The following TOGARAM2 variants were observed in gnomAD, a reference collection of about 807,000 sequenced individuals.
TOGARAM2 encodes TOG array regulator of axonemal microtubules protein 2.
A neutral mutation model predicts 93.3 loss-of-function variants in TOGARAM2; 85 were observed. The observed-to-expected ratio is 0.91, with a 90% CI of 0.76 to 1.09. TOGARAM2 has a LOEUF of 1.09. TOGARAM2 is among the 50% of genes least tolerant of loss of function. The pLI is 0.00. For synonymous variants in TOGARAM2, 593 were observed against 552.8 expected (o/e 1.07, Z -1.02); for missense variants, 1,277 against 1,334.5 (o/e 0.96, Z 0.67).
chr2:29,017,923 C>T lies in TOGARAM2; in HGVS notation c.1327C>T (p.Arg443Trp), dbSNP rs755118294. 5.3e-5 allele frequency: 86 copies of T among 1,608,636 alleles called. No individual in the cohort carries two copies. Among genetic ancestry groups the T allele is most frequent in the East Asian group, 1.1e-4 (5 of 44,710 alleles). Residue 443 changes from arginine (R) to tryptophan (W), a missense_variant, in exon 10 of 20, where the codon CGG (arginine) becomes TGG (tryptophan). Coordinates refer to ENST00000379558, the MANE Select transcript of TOGARAM2 (RefSeq NM_199280.4). ...CTCCCTGCCCAGCATCCCCATCAGC[C>T]GGCAGGAGCCCCGCTTTGCCCGCCA... ...RASLPSIPIS[R>W]QEPRFARHAS... is the part of the protein sequence containing the mutation.
intron 1 of TOGARAM2, among the ~76,000 whole-genome samples, chr2:28,992,106 T>TGGG (rs1311495019): frequency 6.6e-6 from 1 of 152,146 alleles, no homozygotes; most frequent in Non-Finnish European, 1.5e-5. Context: ...CTCGGTGAAT[T>TGGG]GTGCCTTGGG....
At chr2:29,022,079 G>A in intron 10 of TOGARAM2, 79 bp from the exon 11 acceptor site, 1 of 1,581,820 alleles carries the variant, frequency 6.3e-7, no homozygotes. Flanking sequence ...CTCCCATGGT[G>A]AGCGGTGGCA....
rs1197421407 is a variant in TOGARAM2, at chr2:29,005,806, ATG to A, written c.830+2131_830+2132del. Among the ~76,000 whole-genome samples the A allele has an allele frequency of 1.1e-4, 15 of 140,530 alleles. 1 individual carries two copies. The highest frequency in any genetic ancestry group is 4.6e-4 in the East Asian group (2 of 4,336). 92.2% of individuals were successfully genotyped at this position (140,530 alleles called of 152,430 possible). A position where few individuals can be genotyped will look rare whatever the true frequency, so the allele number is the denominator to read the frequency against. On this transcript the variant is annotated intron_variant, in intron 6 of 19. Transcript: ENST00000379558. Reference sequence around the variant, plus strand: ...TCTGTGTGTGCATGTGTATGAGTGCATGTGTGTGAGTGCATGTGTGTGCATGT... The same window carrying A: ...TCTGTGTGTGCATGTGTATGAGTGCATGTGTGAGTGCATGTGTGTGCATGT...
chr2:28,991,338 G>A (rs1451859716), intron 1 of TOGARAM2, among the ~76,000 whole-genome samples: 2 of 152,080 alleles, frequency 1.3e-5, no homozygotes, highest in African/African-American at 4.8e-5. Context: ...GGTGTGAGAC[G>A]GGAGGGGGGC....
intron 13 of TOGARAM2, among the ~76,000 whole-genome samples, chr2:29,026,432 C>T (rs757001943): frequency 3.9e-5 from 6 of 152,086 alleles, no homozygotes; most frequent in Admixed American, 2.0e-4. Context: ...ACAAAGACAG[C>T]GCTACCTTGG....
chr2:29,002,702 G>A lies in TOGARAM2; in HGVS notation c.594G>A (p.Pro198=), dbSNP rs774467751. The A allele has an allele frequency of 1.5e-5, 24 of 1,613,810 alleles. No homozygotes were observed. The highest frequency in any genetic ancestry group is 7.7e-5 in the South Asian group (7 of 91,052). Residue 198 remains proline, a synonymous_variant, in exon 5 of 20, where the codon CCG becomes CCA. Coordinates refer to ENST00000379558, the MANE Select transcript of TOGARAM2 (RefSeq NM_199280.4). Reference sequence around the variant, plus strand: ...TCAAAGAGAAGGGCCTGGACCTACCGGGGAGCATTCCGGGTCCTCACGAGT... The same window carrying A: ...TCAAAGAGAAGGGCCTGGACCTACCAGGGAGCATTCCGGGTCCTCACGAGT... ...SGVKEKGLDL[P]GSIPGPHELR...
rs888936019 is a variant in TOGARAM2 at position 28,956,775 on chromosome 2, C to T, written c.-147+78C>T. On this transcript the variant is annotated intron_variant, in intron 1 of 6. Transcript: ENST00000401723. This position sits in a 1 kb window ranked among gnomAD's most constrained non-coding sequence, Gnocchi z 4.5. ...CAATAGATTCCGTCAAATTGCCTCT[C>T]AGTATGGCTGTAACAATTTATAGAT... is the stretch of plus-strand genomic sequence containing the variant. 5.3e-5 allele frequency: 8 copies of T among 152,212 alleles called. No individual in the cohort carries two copies. The highest frequency in any genetic ancestry group is 1.9e-4 in the African/African-American group (8 of 41,452). The allele number at this position is 152,212 out of a possible 1,614,324, so 9.4% of individuals were successfully genotyped here.
chr2:29,013,957 ACT>A (rs1383562153), intron 7 of TOGARAM2, among the ~76,000 whole-genome samples: 1 of 151,972 alleles, frequency 6.6e-6, no homozygotes, highest in Non-Finnish European at 1.5e-5. Flanking sequence ...GGTCCTGGCA[ACT>A]CTGCCCTTTC....
intron 1 of TOGARAM2, among the ~76,000 whole-genome samples, chr2:28,990,182 A>T (rs1044194701): frequency 3.3e-5 from 5 of 152,192 alleles, no homozygotes; most frequent in Non-Finnish European, 7.3e-5. Flanking sequence ...TGTTCTGTCC[A>T]GTCTAAACCC....
Position 29,003,628 on chromosome 2 carries a change from GC to G in TOGARAM2, c.779del (p.Pro260ArgfsTer12). ...TPSRVPGSLP[S>X]PLPPGQGVLT... is the part of the protein sequence containing the mutation. ...TCCCGTGTGCCTGGCTCCCTTCCCA[GC>G]CCGTTACCTCCAGGCCAGGGAGTCC... On this transcript the variant is annotated frameshift_variant, in exon 6 of 20. Transcript: ENST00000379558. LOFTEE classifies it high-confidence loss of function. The G allele has an allele frequency of 6.3e-7, 1 of 1,593,180 alleles. No homozygotes were observed. Among genetic ancestry groups the G allele is most frequent in the Non-Finnish European group, 8.5e-7 (1 of 1,170,806 alleles).
Position 29,026,884 on chromosome 2 carries a change from G to T in TOGARAM2, c.1885G>T (p.Ala629Ser), listed in dbSNP as rs757228281. 29 of 1,593,348 alleles carry T rather than the reference G, an allele frequency of 1.8e-5. No homozygotes were observed. In the East Asian group the frequency reaches 4.1e-4, roughly 23 times the overall value. The change falls in exon 14 of 20, where the codon GCT becomes TCT. Residue 629 changes from alanine to serine, a missense_variant. Coordinates refer to ENST00000379558, the MANE Select transcript of TOGARAM2 (RefSeq NM_199280.4). ...HRNPLIRKYAAEHLSAVLEQI... is the reference protein window; with the variant it reads ...HRNPLIRKYASEHLSAVLEQI... ...GAACCCCTTGATCCGGAAATACGCG[G>T]CTGAGCACCTCTCAGCTGTGCTGGA...
At chr2:29,005,805 CAT>C (rs1663727142) in intron 6 of TOGARAM2, among the ~76,000 whole-genome samples, 1 of 140,262 alleles carries the variant, frequency 7.1e-6, no homozygotes, top group Non-Finnish European at 1.5e-5. Context: ...TGTATGAGTG[CAT>C]GTGTGTGAGT....
intron 1 of TOGARAM2, among the ~76,000 whole-genome samples, chr2:28,988,676 C>A (rs969770283): frequency 2.6e-5 from 4 of 152,214 alleles, no homozygotes; most frequent in African/African-American, 9.6e-5. Flanking sequence ...ACCCTTCATT[C>A]CCCTCCAGCT....
chr2:28,957,136 T>C (rs993418452), intron 1 of TOGARAM2, among the ~76,000 whole-genome samples: 2 of 151,874 alleles, frequency 1.3e-5, no homozygotes, highest in Non-Finnish European at 2.9e-5. Flanking sequence ...GAAAAACAAA[T>C]CCTATGGGAA....
chr2:28,966,711 A>G (rs1671873257), intron 1 of TOGARAM2, among the ~76,000 whole-genome samples: 2 of 152,228 alleles, frequency 1.3e-5, no homozygotes, highest in African/African-American at 4.8e-5. Flanking sequence ...AATGTAGGCA[A>G]AATTAATGTT....
chr2:28,959,051 C>A (rs1558390803), intron 1 of TOGARAM2, among the ~76,000 whole-genome samples: 1 of 152,132 alleles, frequency 6.6e-6, no homozygotes, highest in African/African-American at 2.4e-5. Flanking sequence ...TGGAGGGAAT[C>A]CTGATGGGAG....
chr2:29,050,624 CAGG>C (rs1264827698), intron 19 of TOGARAM2: 1 of 152,116 alleles, frequency 6.6e-6, no homozygotes, highest in Non-Finnish European at 1.5e-5. Context: ...AGGCAGTTTC[CAGG>C]ATATGGAAAC....
chr2:29,022,419 A>G, intron 11 of TOGARAM2, 111 bp downstream of exon 11: 1 of 1,464,300 alleles, frequency 6.8e-7, no homozygotes, highest in Non-Finnish European at 9.2e-7. Context: ...TTCCAGCACC[A>G]TGGAGCATAA....
At chr2:29,034,530 G>A (rs899682567) in intron 16 of TOGARAM2, among the ~76,000 whole-genome samples, 5 of 152,244 alleles carry the variant, frequency 3.3e-5, no homozygotes, top group African/African-American at 1.2e-4. Flanking sequence ...TAGACAATGA[G>A]TGTGGAATGC....
Sources: gnomAD v4.1 joint callset for allele counts (sites outside exome capture counted in the v4.1 genomes callset) on GRCh38, gnomAD v4.1.1 for gene constraint, Gnocchi (gnomAD v3.1) non-coding constraint, MANE v1.5 for transcripts, NCBI Gene and HGNC (gene_info 2026-07-23, HGNC 2026-07-21) for gene names.